CIAO3: variants seen among roughly 807,000 people sequenced by gnomAD.
CIAO3 encodes cytosolic iron-sulfur assembly component 3.
Under a neutral mutation model 51.5 loss-of-function variants are expected in CIAO3, and 45 were observed. The observed-to-expected ratio is 0.87, with a 90% CI of 0.69 to 1.12. The LOEUF (loss-of-function observed/expected upper bound fraction) is 1.12. Among genes scored for constraint, CIAO3 ranks in the 50% most tolerant of loss-of-function variants. The pLI, the probability that CIAO3 is intolerant of heterozygous loss-of-function variation, is 0.00. For synonymous variants in CIAO3, 314 were observed against 269.3 expected (o/e 1.17, Z -1.63); for missense variants, 668 against 632.5 (o/e 1.06, Z -0.60).
At chr16:734,906 T>A (rs902218283) in intron 4 of CIAO3, 35 bp from the exon 5 acceptor site, 19 of 1,518,928 alleles carry the variant, frequency 1.3e-5, no homozygotes, top group Non-Finnish European at 1.5e-5. Flanking sequence ...GTTAACCCCA[T>A]GCGGGACGCC....
In CIAO3 at chr16:731,613, C is replaced by A. The variant is rs141849857; in HGVS notation, c.986G>T (p.Arg329Leu). The A allele has an allele frequency of 1.3e-6, 2 of 1,563,174 alleles. No homozygotes were observed. Among genetic ancestry groups the A allele is most frequent in the Non-Finnish European group, 1.7e-6 (2 of 1,154,224 alleles). The change falls in exon 9 of 11, where the codon CGA becomes CTA. Residue 329 changes from arginine to leucine, a missense_variant. Coordinates refer to ENST00000251588, the MANE Select transcript of CIAO3 (RefSeq NM_022493.3). ...YLEHVFRHAARELFGIHVAEV... is the reference protein window; with the variant it reads ...YLEHVFRHAALELFGIHVAEV... ...AGCCACATGGATTCCAAAGAGCTCT[C>A]GGGCCGCGTGCCGGAACACGTGCTC...
Position 732,315 on chromosome 16 carries a change from G to A in CIAO3, c.882C>T (p.Ala294=). The part of the protein sequence containing the change: ...EGVSLPDLEP[A]PLDSLCSGAS... ...GACATACGTACAGGCTGTCCAGAGG[G>A]GCTGGTTCCAGGTCGGGGAGGGAGA... is the stretch of plus-strand genomic sequence containing the variant. The change falls in exon 8 of 11, where the codon GCC becomes GCT. Residue 294 remains alanine, a synonymous_variant. Coordinates refer to ENST00000251588, the MANE Select transcript of CIAO3 (RefSeq NM_022493.3). 1.2e-6 allele frequency: 2 copies of A among 1,612,732 alleles called. No homozygotes were observed. Among genetic ancestry groups the A allele is most frequent in the Non-Finnish European group, 1.7e-6 (2 of 1,179,576 alleles).
At position 733,169 on chromosome 16, in the gene CIAO3, C is replaced by T. The variant is rs1317353910; in HGVS notation, c.823+129G>A. The T allele has an allele frequency of 6.5e-5, 79 of 1,209,238 alleles. 1 individual carries two copies. Among genetic ancestry groups the T allele is most frequent in the South Asian group, 9.0e-5 (6 of 67,008 alleles). 74.9% of individuals were successfully genotyped at this position (1,209,238 alleles called of 1,614,324 possible). On this transcript the variant is annotated intron_variant, in intron 7 of 10. Transcript: ENST00000251588. ...AAGGGGAGAGACGAAGGTACGTGCACGCATGCGAGCCCCCACACTCCAGCC... is the reference window on the plus strand; with the variant it reads ...AAGGGGAGAGACGAAGGTACGTGCATGCATGCGAGCCCCCACACTCCAGCC...
Position 734,290 on chromosome 16 carries a change from G to C in CIAO3, c.632C>G (p.Thr211Ser), listed in dbSNP as rs1338553070. 1 of 1,612,072 alleles carries C rather than the reference G, an allele frequency of 6.2e-7. No homozygotes were observed. The highest frequency in any genetic ancestry group is 1.7e-5 in the Admixed American group (1 of 60,024). Residue 211 changes from threonine to serine, a missense_variant, in exon 6 of 11, where the codon ACC (threonine) becomes AGC (serine). Thr to Ser is a moderately conservative substitution (Grantham distance 58, BLOSUM62 1). Transcript: ENST00000251588. ...HGSFILPHIS[T>S]ARSPQQVMGS... ...CATGACCTGCTGCGGGGACCGGGCG[G>C]TGCTGATGTGGGGGAGGATGAAGCT...
In CIAO3 at chr16:739,691, C is replaced by T; in HGVS notation, c.114G>A (p.Val38=). 1 of 1,614,128 alleles carries T rather than the reference C, an allele frequency of 6.2e-7. No homozygotes were observed. Among genetic ancestry groups the T allele is most frequent in the Non-Finnish European group, 8.5e-7 (1 of 1,180,030 alleles). The change falls in exon 2 of 11, where the codon GTG becomes GTA. Residue 38 remains valine (V), a synonymous_variant. Coordinates refer to ENST00000251588, the MANE Select transcript of CIAO3 (RefSeq NM_022493.3). ...CGTCATCTTCAATGCGAATCTTGGCCACGCCACTTCCCGCCCTTTTTTCCA... is the reference window on the plus strand; with the variant it reads ...CGTCATCTTCAATGCGAATCTTGGCTACGCCACTTCCCGCCCTTTTTTCCA... ...VKVEKRAGSG[V]AKIRIEDDGS...
intron 3 of CIAO3, 95 bp from the exon 4 acceptor site, chr16:736,493 A>G: frequency 4.8e-6 from 7 of 1,444,696 alleles, no homozygotes; most frequent in Non-Finnish European, 6.6e-6. Flanking sequence ...AGCTGTGGAG[A>G]GGGCAGGCCA....
In CIAO3 at chr16:732,603, C is replaced by T. The variant is rs958798764; in HGVS notation, c.824-230G>A. On this transcript the variant is annotated intron_variant, in intron 7 of 10. Coordinates refer to ENST00000251588, the MANE Select transcript of CIAO3 (RefSeq NM_022493.3). ...GCCAGCGGCCAGGCCACTCTGCTCA[C>T]CCAGTGTCCATCTGTCCATCCTCTT... 4 of 649,942 alleles carry T rather than the reference C, an allele frequency of 6.2e-6. 1 individual carries two copies. The African/African-American group carries it at 7.2e-5, about 12-fold the overall frequency. The allele number at this position is 649,942 out of a possible 1,614,324, so 40.3% of individuals were successfully genotyped here.
intron 6 of CIAO3, 147 bp from the exon 7 acceptor site, chr16:733,574 T>C: frequency 4.1e-6 from 5 of 1,215,142 alleles, no homozygotes; most frequent in Non-Finnish European, 5.7e-6. Flanking sequence ...CTGCCGGCTC[T>C]GCGGATGTGT....
intron 6 of CIAO3, chr16:733,676 G>A (rs925880517): frequency 9.5e-6 from 5 of 528,250 alleles, no homozygotes; most frequent in African/African-American, 3.8e-5. Context: ...TCCAGCGGAG[G>A]AGAAGTGGCC....
At chr16:732,741 ACT>A (rs2041297728) in intron 7 of CIAO3, 1 of 346,326 alleles carries the variant, frequency 2.9e-6, no homozygotes, top group South Asian at 2.3e-5. Context: ...GGATCAAGTG[ACT>A]CTCCTGCCTC....
Position 737,539 on chromosome 16 carries a change from C to G in CIAO3, c.163-210G>C. 2 of 1,511,782 alleles carry G rather than the reference C, an allele frequency of 1.3e-6. No individual in the cohort carries two copies. Among genetic ancestry groups the G allele is most frequent in the Non-Finnish European group, 1.8e-6 (2 of 1,132,102 alleles). The allele number at this position is 1,511,782 out of a possible 1,614,324, so 93.6% of individuals were successfully genotyped here. A position where few individuals can be genotyped will look rare whatever the true frequency, so the allele number is the denominator to read the frequency against. On this transcript the variant is annotated intron_variant, in intron 2 of 10. Transcript: ENST00000251588. The surrounding 1 kb of genome is among the most constrained non-coding windows in gnomAD (Gnocchi z 5.3). ...ATGCCGTCAAGTCTGCTTCTTGGTA[C>G]CACTTGGTTAGTGCATCCGAATCAC... is the stretch of plus-strand genomic sequence containing the variant.
rs374312196 is a variant in CIAO3 at position 730,551 on chromosome 16, C to G, written c.1297G>C (p.Glu433Gln). ...AGCTCCTGAACCCCAGGCGCGTCCTCGGGCGCCTCAGCCCGGACCATGCCG... is the reference window on the plus strand; with the variant it reads ...AGCTCCTGAACCCCAGGCGCGTCCTGGGGCGCCTCAGCCCGGACCATGCCG... ...LYGMVRAEAP[E>Q]DAPGVQELYT... The change falls in exon 11 of 11, where the codon GAG becomes CAG. Residue 433 changes from glutamate to glutamine, a missense_variant. Physicochemically the swap from Glu to Gln is conservative, Grantham distance 29. Transcript: ENST00000251588. The G allele has an allele frequency of 7.4e-6, 12 of 1,611,004 alleles. No homozygotes were observed. The highest frequency in any genetic ancestry group is 1.3e-5 in the African/African-American group (1 of 75,072).
chr16:738,489 A>C (rs2041361104), intron 2 of CIAO3: 1 of 259,144 alleles, frequency 3.9e-6, no homozygotes, highest in Non-Finnish European at 5.9e-6. Flanking sequence ...CTGGGACTAC[A>C]GGCGCCGGCC....
At chr16:740,136 G>A (rs1304586298) in intron 1 of CIAO3, 2 of 1,292,454 alleles carry the variant, frequency 1.5e-6, no homozygotes, top group African/African-American at 3.0e-5. Flanking sequence ...TCAGTGCCCG[G>A]GAAACAAGTG....
At position 740,968 on chromosome 16, in the gene CIAO3, G is replaced by C. The variant is rs981426728; in HGVS notation, c.18C>G (p.Ser6Arg). 8 of 1,513,914 alleles carry C rather than the reference G, an allele frequency of 5.3e-6. No individual in the cohort carries two copies. The highest frequency in any genetic ancestry group is 7.1e-6 in the Non-Finnish European group (8 of 1,134,446). The allele number at this position is 1,513,914 out of a possible 1,614,324, so 93.8% of individuals were successfully genotyped here. A position where few individuals can be genotyped will look rare whatever the true frequency, so the allele number is the denominator to read the frequency against. ...CCAGGTCCGTCAGCTGCAGCGCCCC[G>C]CTGAAGGGCGACGCCATGACGGCCG... MASPF[S>R]GALQLTDLDD... The change falls in exon 1 of 11, where the codon AGC becomes AGG. Residue 6 changes from serine to arginine, a missense_variant. Transcript: ENST00000251588.
chr16:731,384 GT>G (rs2041280096), intron 9 of CIAO3, 180 bp downstream of exon 9: 1 of 823,130 alleles, frequency 1.2e-6, no homozygotes, highest in Non-Finnish European at 1.8e-6. Flanking sequence ...GAGTGCTTAG[GT>G]GCCTTCACAC....
chr16:740,269 G>A, intron 1 of CIAO3: 2 of 403,966 alleles, frequency 5.0e-6, no homozygotes, highest in East Asian at 7.3e-5. Context: ...CCGCGGGGCT[G>A]TTGGACATGG....
rs751252452 is a variant in CIAO3 at position 734,860 on chromosome 16, C to T, written c.451G>A (p.Val151Ile). The change falls in exon 5 of 11, where the codon GTC becomes ATC. Residue 151 changes from valine (V) to isoleucine (I), a missense_variant. Val to Ile is a conservative substitution (Grantham distance 29, BLOSUM62 3). Coordinates refer to ENST00000251588, the MANE Select transcript of CIAO3 (RefSeq NM_022493.3). ...TGCCTTGAGAAGGCGGTGTCGAAGACGAAGTGCACCCCTGGAAGGTGAAGG... is the reference window on the plus strand; with the variant it reads ...TGCCTTGAGAAGGCGGTGTCGAAGATGAAGTGCACCCCTGGAAGGTGAAGG... ...SFFKKIGVHF[V>I]FDTAFSRHFS... 4.9e-5 allele frequency: 76 copies of T among 1,563,568 alleles called. No homozygotes were observed. In the East Asian group the frequency reaches 1.1e-3, roughly 22 times the overall value.
In CIAO3 at chr16:729,844, C is replaced by T. The variant is rs777966102; in HGVS notation, c.*573G>A. ...GACCTGGCTGGGGGATGATGCAGCC[C>T]GCGATGGCTGCTGCTTCGTACTTGG... On this transcript the variant is annotated 3_prime_UTR_variant, in exon 11 of 11. Transcript: ENST00000251588. 42 of 601,668 alleles carry T rather than the reference C, an allele frequency of 7.0e-5. No homozygotes were observed. Among genetic ancestry groups the T allele is most frequent in the African/African-American group, 1.2e-4 (6 of 51,912 alleles). The allele number at this position is 601,668 out of a possible 1,614,324, so 37.3% of individuals were successfully genotyped here.
Sources: allele counts gnomAD v4.1 joint callset, GRCh38; gene constraint gnomAD v4.1.1; non-coding constraint Gnocchi (gnomAD v3.1); transcripts MANE v1.5; gene names NCBI Gene and HGNC (gene_info 2026-07-23, HGNC 2026-07-21).